The following AKAP6 variants were observed in gnomAD, a reference collection of about 807,000 sequenced individuals.
AKAP6 encodes the protein A-kinase anchor protein 6.
In AKAP6, 58 loss-of-function variants were observed where a neutral mutation model predicts 188.5. The observed-to-expected ratio is 0.31, with a 90% CI of 0.25 to 0.38. AKAP6 has a LOEUF of 0.38. AKAP6 is among the 10% of genes least tolerant of loss of function. AKAP6 has a pLI of 1.00. For missense variants in AKAP6, 2,710 were observed against 2,740.0 expected (o/e 0.99, Z 0.24); for synonymous variants, 989 against 998.6 (o/e 0.99, Z 0.18).
At chr14:32,561,296 T>C (rs1412600222) in intron 4 of AKAP6, among the ~76,000 whole-genome samples, 1 of 152,132 alleles carries the variant, frequency 6.6e-6, no homozygotes, top group Non-Finnish European at 1.5e-5. Flanking sequence ...TAGCACCATA[T>C]ATATTAGAAA....
rs576160406 is a variant in AKAP6, at chr14:32,620,611, T to G, written c.2730+19819T>G. On this transcript the variant is annotated intron_variant, in intron 7 of 13. Transcript: ENST00000280979. ...TTGCATCTATGTACATCAGAGATAT[T>G]GGTCTGTAGTTTTCTTTTTTTGTTA... Among the ~76,000 whole-genome samples the G allele has an allele frequency of 2.6e-5, 4 of 152,226 alleles. 1 individual carries two copies. In the South Asian group the frequency reaches 8.3e-4, roughly 32 times the overall value.
At chr14:32,378,460 T>G (rs978478516) in intron 1 of AKAP6, among the ~76,000 whole-genome samples, 4 of 152,222 alleles carry the variant, frequency 2.6e-5, no homozygotes, top group Non-Finnish European at 5.9e-5. Flanking sequence ...GAAGTCCATA[T>G]ATGATCTTTG....
chr14:32,559,783 C>CTTT (rs35914295), intron 4 of AKAP6, among the ~76,000 whole-genome samples: 14,063 of 118,810 alleles, frequency 0.12, 1,527 homozygotes, highest in African/African-American at 0.3. Context: ...TAAGCCTAAT[C>CTTT]TTTTTTTTTT....
In AKAP6 at chr14:32,822,842, G is replaced by A. The variant is rs1269571314; in HGVS notation, c.5029G>A (p.Ala1677Thr). ...SFTGQMSLDI[A>T]SSINEDSAAS... ...TACTGGCCAGATGTCATTGGACATAGCATCTTCTATCAATGAAGACTCAGC... is the reference window on the plus strand; with the variant it reads ...TACTGGCCAGATGTCATTGGACATAACATCTTCTATCAATGAAGACTCAGC... Residue 1677 changes from alanine to threonine, a missense_variant, in exon 13 of 14, where the codon GCA (alanine) becomes ACA (threonine). Ala to Thr is a moderately conservative substitution (Grantham distance 58, BLOSUM62 0). Transcript: ENST00000280979. 7.4e-6 allele frequency: 12 copies of A among 1,613,814 alleles called. No homozygotes were observed. The highest frequency in any genetic ancestry group is 2.2e-5 in the South Asian group (2 of 91,092).
chr14:32,384,538 C>T (rs1421419869), intron 1 of AKAP6, among the ~76,000 whole-genome samples: 3 of 152,146 alleles, frequency 2.0e-5, no homozygotes, highest in African/African-American at 7.2e-5. Flanking sequence ...ACCTCAATGC[C>T]ATTTCTTGAG....
intron 9 of AKAP6, among the ~76,000 whole-genome samples, chr14:32,697,712 T>C (rs1168460416): frequency 6.6e-6 from 1 of 151,232 alleles, no homozygotes; most frequent in Non-Finnish European, 1.5e-5. Context: ...AAGCCACTAT[T>C]TTTTCAGAAA....
At chr14:32,569,461 G>A (rs150366460) in intron 4 of AKAP6, among the ~76,000 whole-genome samples, 26 of 152,238 alleles carry the variant, frequency 1.7e-4, no homozygotes, top group Middle Eastern at 3.4e-3. Context: ...AGGAGTGTGG[G>A]TATATAAGTT....
At chr14:32,501,104 T>C (rs1211031668) in intron 2 of AKAP6, among the ~76,000 whole-genome samples, 1 of 152,144 alleles carries the variant, frequency 6.6e-6, no homozygotes, top group Non-Finnish European at 1.5e-5. Context: ...GAATCATACT[T>C]GCGATTTTTA....
At chr14:32,725,690 A>G (rs988633287) in intron 9 of AKAP6, among the ~76,000 whole-genome samples, 2 of 152,316 alleles carry the variant, frequency 1.3e-5, no homozygotes, top group South Asian at 4.1e-4. Flanking sequence ...TCTATTCGTA[A>G]CAGGAAGTGT....
chr14:32,419,811 T>G (rs1430285317), intron 1 of AKAP6, among the ~76,000 whole-genome samples: 1 of 152,018 alleles, frequency 6.6e-6, no homozygotes, highest in Non-Finnish European at 1.5e-5. Context: ...TAGACACAAT[T>G]TTGAAATTTT....
At chr14:32,828,521 TCTCTCTCTCACA>T (rs1334028936) in intron 13 of AKAP6, among the ~76,000 whole-genome samples, 1 of 32,628 alleles carries the variant, frequency 3.1e-5, no homozygotes, top group African/African-American at 6.7e-5. Context: ...TCTCTCTCTC[TCTCTCTCTCACA>T]CACACACACA....
chr14:32,380,066 G>A (rs1888299642), intron 1 of AKAP6, among the ~76,000 whole-genome samples: 1 of 152,148 alleles, frequency 6.6e-6, no homozygotes, highest in Non-Finnish European at 1.5e-5. Flanking sequence ...AGCTCTCCAT[G>A]TCATTCTCAG....
intron 12 of AKAP6, among the ~76,000 whole-genome samples, chr14:32,818,348 G>A (rs190177207): frequency 2.0e-5 from 3 of 151,942 alleles, no homozygotes; most frequent in African/African-American, 7.3e-5. Context: ...CACACACACA[G>A]ATACCAAAAT....
At chr14:32,778,540 T>G (rs1199223360) in intron 12 of AKAP6, among the ~76,000 whole-genome samples, 2 of 151,424 alleles carry the variant, frequency 1.3e-5, no homozygotes, top group African/African-American at 4.9e-5. Context: ...TGGTTTTGGG[T>G]TTTTTTTATT....
chr14:32,561,194 A>G (rs1179861816), intron 4 of AKAP6, among the ~76,000 whole-genome samples: 1 of 152,242 alleles, frequency 6.6e-6, no homozygotes, highest in African/African-American at 2.4e-5. Flanking sequence ...ATTGTATGAA[A>G]CTACAAAGAG....
intron 9 of AKAP6, among the ~76,000 whole-genome samples, chr14:32,703,810 CACAGACAA>C (rs1274963151): frequency 6.6e-6 from 1 of 152,166 alleles, no homozygotes; most frequent in Non-Finnish European, 1.5e-5. Flanking sequence ...AAGAGGCTTC[CACAGACAA>C]AACTTGGTAA....
At chr14:32,419,729 G>C (rs1461421047) in intron 1 of AKAP6, among the ~76,000 whole-genome samples, 1 of 151,880 alleles carries the variant, frequency 6.6e-6, no homozygotes, top group Non-Finnish European at 1.5e-5. Flanking sequence ...TGAAGCAAAT[G>C]CAACCTCATT....
At position 32,471,641 on chromosome 14, in the gene AKAP6, T is replaced by C. The variant is rs577030890; in HGVS notation, c.324+37824T>C. Among the ~76,000 whole-genome samples the C allele has an allele frequency of 2.0e-4, 30 of 152,316 alleles. 1 individual carries two copies. In the South Asian group the frequency reaches 6.2e-3, roughly 32 times the overall value. ...TCAACATTCTCTCACCCAATTTGGGTAGGTGGAATCCTGTACCCCCCACCA... is the reference window on the plus strand; with the variant it reads ...TCAACATTCTCTCACCCAATTTGGGCAGGTGGAATCCTGTACCCCCCACCA... On this transcript the variant is annotated intron_variant, in intron 2 of 13. Transcript: ENST00000280979.
chr14:32,632,967 C>G (rs375371495), intron 7 of AKAP6, among the ~76,000 whole-genome samples: 1 of 152,132 alleles, frequency 6.6e-6, no homozygotes, highest in African/African-American at 2.4e-5. Flanking sequence ...TTTATCGGAT[C>G]AGCAGCCACA....
Sources: allele counts gnomAD v4.1 joint callset (sites outside exome capture counted in the v4.1 genomes callset), GRCh38; gene constraint gnomAD v4.1.1; transcripts MANE v1.5; gene names NCBI Gene and HGNC (gene_info 2026-07-23, HGNC 2026-07-21).